VSNL1: variants seen among roughly 807,000 people sequenced by gnomAD.
The protein encoded by VSNL1 is visinin like 1.
A neutral mutation model predicts 20.4 loss-of-function variants in VSNL1; 6 were observed. The observed-to-expected ratio is 0.29, with a 90% CI of 0.16 to 0.58. The LOEUF is 0.58. Ranked by LOEUF, VSNL1 falls within the 20% of genes least tolerant of loss-of-function variation. The pLI, the probability that VSNL1 is intolerant of heterozygous loss-of-function variation, is 0.90. For synonymous variants in VSNL1, 93 were observed against 86.4 expected, an observed-to-expected ratio of 1.08 and a Z score of -0.42; for missense variants, 100 against 234.5, an observed-to-expected ratio of 0.43 and a Z score of 3.75.
chr2:17,594,536 A>C (rs1386473400), intron 2 of VSNL1, among the ~76,000 whole-genome samples: 1 of 152,230 alleles, frequency 6.6e-6, no homozygotes, highest in Non-Finnish European at 1.5e-5. Context: ...TTTCTGGAAA[A>C]AAATGCAAAT....
chr2:17,565,671 G>T (rs1285478479), intron 1 of VSNL1, among the ~76,000 whole-genome samples: 1 of 152,134 alleles, frequency 6.6e-6, no homozygotes, highest in Admixed American at 6.5e-5. Flanking sequence ...ACTGTGTTAG[G>T]ATAACTGAAT....
chr2:17,569,452 T>C (rs968541525), intron 1 of VSNL1, among the ~76,000 whole-genome samples: 33 of 152,214 alleles, frequency 2.2e-4, no homozygotes, highest in Admixed American at 3.3e-4. Context: ...TTTTCAAATC[T>C]GAAAAACTCC....
chr2:17,554,221 A>C (rs1455392916), intron 1 of VSNL1, among the ~76,000 whole-genome samples: 1 of 152,190 alleles, frequency 6.6e-6, no homozygotes, highest in South Asian at 2.1e-4. Flanking sequence ...CCAAATCTTC[A>C]TAATAGGTCT....
intron 1 of VSNL1, among the ~76,000 whole-genome samples, chr2:17,574,210 C>G (rs537624832): frequency 5.9e-5 from 9 of 152,210 alleles, no homozygotes; most frequent in East Asian, 3.9e-4. Context: ...GATCCCCCCC[C>G]ACCCTGATCT....
chr2:17,573,858 C>T (rs886438594), intron 1 of VSNL1, among the ~76,000 whole-genome samples: 1 of 152,182 alleles, frequency 6.6e-6, no homozygotes, highest in Non-Finnish European at 1.5e-5. Context: ...TTGTGTCTTC[C>T]CTAGACCTGT....
chr2:17,593,567 G>T (rs1019452053), intron 2 of VSNL1, among the ~76,000 whole-genome samples: 1 of 152,208 alleles, frequency 6.6e-6, no homozygotes, highest in Non-Finnish European at 1.5e-5. Context: ...GTATGGCCAT[G>T]TGGTTAGATA....
At chr2:17,546,396 A>G (rs1663406400) in intron 1 of VSNL1, among the ~76,000 whole-genome samples, 1 of 145,418 alleles carries the variant, frequency 6.9e-6, no homozygotes, top group South Asian at 2.3e-4. Context: ...GAGGAGCTTT[A>G]TGTAAATAGT....
intron 3 of VSNL1, among the ~76,000 whole-genome samples, chr2:17,651,479 T>C (rs1266437952): frequency 6.6e-6 from 1 of 152,240 alleles, no homozygotes; most frequent in Admixed American, 6.5e-5. Context: ...GAAGCAGTGG[T>C]CACTCACCAT....
chr2:17,631,012 C>T (rs1665616186), intron 2 of VSNL1, among the ~76,000 whole-genome samples: 1 of 152,200 alleles, frequency 6.6e-6, no homozygotes, highest in South Asian at 2.1e-4. Context: ...GAACTCTTGA[C>T]CTCGTGATCT....
At chr2:17,608,004 A>G (rs1033774028) in intron 2 of VSNL1, among the ~76,000 whole-genome samples, 1 of 152,218 alleles carries the variant, frequency 6.6e-6, no homozygotes, top group African/African-American at 2.4e-5. Flanking sequence ...ACTTACCAGC[A>G]AAAGAGAGTT....
chr2:17,567,345 G>T (rs1663972114), intron 1 of VSNL1: 1 of 137,908 alleles, frequency 7.3e-6, no homozygotes, highest in South Asian at 2.4e-4. Flanking sequence ...GAGTCTCATA[G>T]AGTCTCACTT....
At chr2:17,614,984 C>T (rs543750051) in intron 2 of VSNL1, among the ~76,000 whole-genome samples, 16 of 152,156 alleles carry the variant, frequency 1.1e-4, no homozygotes, top group Non-Finnish European at 1.9e-4. Context: ...CCAGAGAGAG[C>T]GGAAGTTTTA....
At chr2:17,587,339 G>A (rs1664498201) in intron 1 of VSNL1, among the ~76,000 whole-genome samples, 1 of 131,426 alleles carries the variant, frequency 7.6e-6, no homozygotes, top group Admixed American at 8.0e-5. Flanking sequence ...TAAGAGACAG[G>A]CTGAGGGCAA....
At chr2:17,607,643 C>T (rs1241614529) in intron 2 of VSNL1, among the ~76,000 whole-genome samples, 1 of 152,216 alleles carries the variant, frequency 6.6e-6, no homozygotes, top group African/African-American at 2.4e-5. Context: ...GGTCCCTTGA[C>T]ATTGTGGCTA....
At chr2:17,620,014 T>C (rs1349048111) in intron 2 of VSNL1, among the ~76,000 whole-genome samples, 1 of 152,074 alleles carries the variant, frequency 6.6e-6, no homozygotes, top group Non-Finnish European at 1.5e-5. Flanking sequence ...GTTCAATCTT[T>C]CTATATGAAC....
intron 2 of VSNL1, among the ~76,000 whole-genome samples, chr2:17,601,451 C>A (rs1221787986): frequency 6.6e-6 from 1 of 151,560 alleles, no homozygotes; most frequent in Non-Finnish European, 1.5e-5. Flanking sequence ...GCCTGGCCAA[C>A]ATGGTGAAAC....
At chr2:17,560,931 T>C in intron 1 of VSNL1, among the ~76,000 whole-genome samples, 1 of 152,230 alleles carries the variant, frequency 6.6e-6, no homozygotes, top group East Asian at 1.9e-4. Context: ...GGATAGACTA[T>C]GTACTGAGAC....
chr2:17,609,204 G>A (rs1336929390), intron 2 of VSNL1, among the ~76,000 whole-genome samples: 1 of 152,142 alleles, frequency 6.6e-6, no homozygotes, highest in Non-Finnish European at 1.5e-5. Context: ...GGGTGTTGCT[G>A]TGATTCATGA....
chr2:17,579,630 G>T (rs1375802855), intron 1 of VSNL1, among the ~76,000 whole-genome samples: 1 of 152,176 alleles, frequency 6.6e-6, no homozygotes, highest in African/African-American at 2.4e-5. Flanking sequence ...ACAGACTTTT[G>T]CAAAGGTCAC....
Sources: allele counts gnomAD v4.1 joint callset (sites outside exome capture counted in the v4.1 genomes callset), GRCh38; gene constraint gnomAD v4.1.1; transcripts MANE v1.5; gene names NCBI Gene and HGNC (gene_info 2026-07-23, HGNC 2026-07-21).